Variants in ATE1 observed in about 807,000 individuals in gnomAD.
The protein encoded by ATE1 is arginyltransferase 1.
Under a neutral mutation model 70.5 loss-of-function variants are expected in ATE1, and 36 were observed. The ratio of observed to expected loss-of-function variants is 0.51; its 90% CI spans 0.39 to 0.67. The LOEUF (loss-of-function observed/expected upper bound fraction) is 0.67. Ranked by LOEUF, ATE1 falls within the 30% of genes least tolerant of loss-of-function variation. The pLI is 0.00. For missense variants in ATE1, 593 were observed against 629.5 expected (o/e 0.94, Z 0.62); for synonymous variants, 232 against 219.3 (o/e 1.06, Z -0.51).
At chr10:121,888,424 G>A (rs1372257299) in intron 7 of ATE1, among the ~76,000 whole-genome samples, 1 of 152,038 alleles carries the variant, frequency 6.6e-6, no homozygotes, top group African/African-American at 2.4e-5. Context: ...TAATAATAAA[G>A]AGAGCTGATG....
chr10:121,808,360 A>C (rs576909871), intron 10 of ATE1, among the ~76,000 whole-genome samples: 3 of 152,318 alleles, frequency 2.0e-5, no homozygotes, highest in South Asian at 2.1e-4. Context: ...CAGTCCATGA[A>C]GTAGACAGCA....
intron 11 of ATE1, among the ~76,000 whole-genome samples, chr10:121,777,944 TAAA>T (rs1036812412): frequency 9.8e-5 from 15 of 152,322 alleles, no homozygotes; most frequent in African/African-American, 2.9e-4. Context: ...AAAATCTCCT[TAAA>T]AATAATTGCT....
intron 11 of ATE1, among the ~76,000 whole-genome samples, chr10:121,770,958 C>T (rs192939773): frequency 6.8e-4 from 104 of 152,090 alleles, no homozygotes; most frequent in African/African-American, 2.3e-3. Flanking sequence ...CGAACGAAAC[C>T]AAGGCTTGGA....
intron 11 of ATE1, among the ~76,000 whole-genome samples, chr10:121,784,791 A>G (rs905430973): frequency 1.3e-5 from 2 of 152,152 alleles, no homozygotes; most frequent in African/African-American, 4.8e-5. Flanking sequence ...TCCGGGAGGT[A>G]GAGGCTACAG....
At chr10:121,752,386 A>G (rs1944623824) in intron 11 of ATE1, among the ~76,000 whole-genome samples, 1 of 150,760 alleles carries the variant, frequency 6.6e-6, no homozygotes, top group Non-Finnish European at 1.5e-5. Context: ...ACCCGCCACC[A>G]CGCCTGGCTA....
intron 8 of ATE1, among the ~76,000 whole-genome samples, chr10:121,858,654 C>CATATTATAT (rs1949341024): frequency 4.6e-4 from 6 of 13,148 alleles, no homozygotes; most frequent in South Asian, 6.6e-3. Flanking sequence ...ATATTTTATA[C>CATATTATAT]ATATAATATA....
At chr10:121,796,369 A>G (rs182714665) in intron 10 of ATE1, among the ~76,000 whole-genome samples, 1 of 152,254 alleles carries the variant, frequency 6.6e-6, no homozygotes, top group African/African-American at 2.4e-5. Context: ...TTGGTGAGGG[A>G]TCATCACTCA....
intron 7 of ATE1, among the ~76,000 whole-genome samples, chr10:121,883,672 A>G (rs1950293344): frequency 1.3e-5 from 2 of 152,222 alleles, no homozygotes; most frequent in South Asian, 2.1e-4. Context: ...AGAGTACATA[A>G]TATCTCAGCA....
rs898913147 is a variant in ATE1, at chr10:121,924,853, C to A, written c.107-524G>T. 2.6e-4 allele frequency among the ~76,000 whole-genome samples: 9 copies of A among 34,600 alleles called. No individual in the cohort carries two copies. The East Asian group carries it at 0.01, about 40-fold the overall frequency. The allele number at this position is 34,600 out of a possible 152,430, so 22.7% of individuals were successfully genotyped here. A position where few individuals can be genotyped will look rare whatever the true frequency, so the allele number is the denominator to read the frequency against. On this transcript the variant is annotated intron_variant, in intron 1 of 11. Coordinates refer to ENST00000224652, the MANE Select transcript of ATE1 (RefSeq NM_001001976.3). ...CTATATATATTTTCATTCAAAAAAA[C>A]ACATCGAAGTTAATTATATTTATTT... is the stretch of plus-strand genomic sequence containing the variant.
intron 10 of ATE1, among the ~76,000 whole-genome samples, chr10:121,800,774 T>C (rs1056705686): frequency 6.6e-6 from 1 of 152,168 alleles, no homozygotes; most frequent in African/African-American, 2.4e-5. Flanking sequence ...ACCGACTGCT[T>C]AAAGAGATGC....
At chr10:121,751,443 G>T (rs1944575138) in intron 11 of ATE1, among the ~76,000 whole-genome samples, 1 of 152,168 alleles carries the variant, frequency 6.6e-6, no homozygotes, top group Admixed American at 6.5e-5. Context: ...AGTATACAAA[G>T]GTTCCAATTT....
chr10:121,878,019 T>C (rs1472956079), intron 7 of ATE1, among the ~76,000 whole-genome samples: 1 of 152,234 alleles, frequency 6.6e-6, no homozygotes. Context: ...TAAATTATGC[T>C]GTATCCACAC....
At chr10:121,909,315 A>G (rs1476443015) in intron 5 of ATE1, among the ~76,000 whole-genome samples, 1 of 152,172 alleles carries the variant, frequency 6.6e-6, no homozygotes, top group Non-Finnish European at 1.5e-5. Flanking sequence ...ATATATCAAC[A>G]ATCACAATAT....
At position 121,886,818 on chromosome 10, in the gene ATE1, A is replaced by T. The variant is rs116673978; in HGVS notation, c.942+13048T>A. The stretch of plus-strand genomic sequence containing the variant: ...CCACAGTTTCCAAGAACTATTAATG[A>T]CATTAAGTGAGAACTTACTGTGTGT... On this transcript the variant is annotated intron_variant, in intron 7 of 11. Transcript: ENST00000224652. Among the ~76,000 whole-genome samples the T allele has an allele frequency of 1.8e-3, 269 of 152,298 alleles. 4 individuals are homozygous for T. Among genetic ancestry groups the T allele is most frequent in the African/African-American group, 6.2e-3 (258 of 41,570 alleles).
At chr10:121,790,055 G>T in intron 11 of ATE1, 114 bp downstream of exon 11, 1 of 1,391,302 alleles carries the variant, frequency 7.2e-7, no homozygotes, top group Non-Finnish European at 9.8e-7. Flanking sequence ...CTCATGCACA[G>T]CATACTCTAT....
At chr10:121,796,760 G>T (rs1946674232) in intron 10 of ATE1, among the ~76,000 whole-genome samples, 1 of 152,124 alleles carries the variant, frequency 6.6e-6, no homozygotes, top group Admixed American at 6.6e-5. Context: ...AAACACCCTA[G>T]CTAAATGCAC....
intron 11 of ATE1, among the ~76,000 whole-genome samples, chr10:121,755,180 A>T (rs1177811376): frequency 6.6e-6 from 1 of 152,226 alleles, no homozygotes; most frequent in Non-Finnish European, 1.5e-5. Flanking sequence ...TGTGCTATAA[A>T]GGACATTACA....
chr10:121,834,217 A>G (rs1036443011), intron 10 of ATE1, among the ~76,000 whole-genome samples: 1 of 152,166 alleles, frequency 6.6e-6, no homozygotes, highest in African/African-American at 2.4e-5. Flanking sequence ...CACTCAGTTA[A>G]TTAATGTCTA....
rs925726312 is a variant in ATE1 at position 121,740,996 on chromosome 10, T to A, written c.*2684A>T. 1 of 152,206 alleles carries A rather than the reference T, an allele frequency of 6.6e-6. No homozygotes were observed. The highest frequency in any genetic ancestry group is 1.5e-5 in the Non-Finnish European group (1 of 68,036). The allele number at this position is 152,206 out of a possible 1,614,324, so 9.4% of individuals were successfully genotyped here. ...TAAATAAGGACGGTAGCAAGGGGAA[T>A]TGAAATTACATCTTTGCTCCCAAAA... On this transcript the variant is annotated 3_prime_UTR_variant, in exon 12 of 12. Coordinates refer to ENST00000224652, the MANE Select transcript of ATE1 (RefSeq NM_001001976.3).
Sources: allele counts gnomAD v4.1 joint callset (sites outside exome capture counted in the v4.1 genomes callset), GRCh38; gene constraint gnomAD v4.1.1; transcripts MANE v1.5; gene names NCBI Gene and HGNC (gene_info 2026-07-23, HGNC 2026-07-21).